The following SPAG16 variants were observed in gnomAD, a reference collection of about 807,000 sequenced individuals.
SPAG16 encodes sperm associated antigen 16.
In SPAG16, 86 loss-of-function variants were observed where a neutral mutation model predicts 80.4. That is an observed-to-expected ratio of 1.07 (90% CI 0.90 to 1.28). The LOEUF (loss-of-function observed/expected upper bound fraction) is 1.28. Among genes scored for constraint, SPAG16 ranks in the 50% most tolerant of loss-of-function variants. SPAG16 has a pLI of 0.00. For missense variants in SPAG16, 870 were observed against 765.3 expected (o/e 1.14, Z -1.61); for synonymous variants, 294 against 265.9 (o/e 1.11, Z -1.03).
chr2:213,566,138 G>A (rs974789056), intron 10 of SPAG16, among the ~76,000 whole-genome samples: 4 of 152,062 alleles, frequency 2.6e-5, no homozygotes, highest in African/African-American at 9.7e-5. Flanking sequence ...CAAAGTCAAT[G>A]GGTTGCTGGA....
chr2:213,854,286 C>T (rs2075052120), intron 10 of SPAG16, among the ~76,000 whole-genome samples: 1 of 152,054 alleles, frequency 6.6e-6, no homozygotes, highest in African/African-American at 2.4e-5. Flanking sequence ...TAGATGTTAA[C>T]TATATGAAGG....
intron 5 of SPAG16, among the ~76,000 whole-genome samples, chr2:213,325,800 T>A (rs72937048): frequency 0.22 from 32,939 of 151,912 alleles, 4,410 homozygotes; most frequent in Non-Finnish European, 0.31. Flanking sequence ...TATCTAATGT[T>A]TATATTTTGT....
At chr2:214,024,194 T>C (rs969968752) in intron 13 of SPAG16, among the ~76,000 whole-genome samples, 7 of 151,588 alleles carry the variant, frequency 4.6e-5, no homozygotes, top group African/African-American at 1.7e-4. Context: ...AATTCTAGGA[T>C]TGGAAGGAAC....
At chr2:214,126,161 T>G (rs925972272) in intron 14 of SPAG16, among the ~76,000 whole-genome samples, 2 of 146,786 alleles carry the variant, frequency 1.4e-5, no homozygotes, top group African/African-American at 5.0e-5. Flanking sequence ...ATAGAAGAGA[T>G]GGAGTGAGCT....
intron 10 of SPAG16, among the ~76,000 whole-genome samples, chr2:213,717,884 C>G (rs1056460099): frequency 1.8e-4 from 28 of 151,938 alleles, no homozygotes; most frequent in Non-Finnish European, 8.8e-5. Context: ...AGACCCAAAA[C>G]CATAAAAACC....
At chr2:213,719,312 C>G (rs537855880) in intron 10 of SPAG16, among the ~76,000 whole-genome samples, 1 of 151,488 alleles carries the variant, frequency 6.6e-6, no homozygotes, top group South Asian at 2.1e-4. Flanking sequence ...GTATCTAGCT[C>G]AAGGTTTGTA....
intron 9 of SPAG16, among the ~76,000 whole-genome samples, chr2:213,433,705 A>G (rs1429504838): frequency 6.6e-6 from 1 of 152,138 alleles, no homozygotes; most frequent in Non-Finnish European, 1.5e-5. Flanking sequence ...TACAATTCCT[A>G]TCAAAATACC....
At chr2:214,068,504 A>G (rs1211298642) in intron 13 of SPAG16, among the ~76,000 whole-genome samples, 2 of 152,156 alleles carry the variant, frequency 1.3e-5, no homozygotes, top group African/African-American at 4.8e-5. Context: ...TTTTCTAATA[A>G]GACTCACTGT....
At chr2:214,348,330 G>T (rs1329647268) in intron 15 of SPAG16, among the ~76,000 whole-genome samples, 1 of 152,220 alleles carries the variant, frequency 6.6e-6, no homozygotes, top group Non-Finnish European at 1.5e-5. Flanking sequence ...AAATGAAAAT[G>T]ATTTGCGACC....
chr2:213,798,876 T>C (rs1157449157), intron 10 of SPAG16, among the ~76,000 whole-genome samples: 3 of 152,182 alleles, frequency 2.0e-5, no homozygotes, highest in Non-Finnish European at 4.4e-5. Flanking sequence ...TGTTAAAAAA[T>C]CAATAGATCA....
chr2:213,506,932 G>A (rs1214890524), intron 10 of SPAG16, among the ~76,000 whole-genome samples: 1 of 152,194 alleles, frequency 6.6e-6, no homozygotes, highest in African/African-American at 2.4e-5. Flanking sequence ...GACATCATAT[G>A]CTTTCACAAT....
intron 13 of SPAG16, among the ~76,000 whole-genome samples, chr2:214,099,660 T>TCCAGA (rs2052856440): frequency 6.6e-6 from 1 of 152,132 alleles, no homozygotes; most frequent in Non-Finnish European, 1.5e-5. Flanking sequence ...ACATGATTTA[T>TCCAGA]GGTAGTTGCC....
chr2:213,735,500 C>T (rs60401743), intron 10 of SPAG16, among the ~76,000 whole-genome samples: 3,082 of 152,206 alleles, frequency 0.02, 118 homozygotes, highest in African/African-American at 0.07. Flanking sequence ...TTCCACCATG[C>T]GATTCATCAA....
rs563571259 is a variant in SPAG16 at position 213,530,556 on chromosome 2, C to T, written c.1070+40466C>T. On this transcript the variant is annotated intron_variant, in intron 10 of 15. Transcript: ENST00000331683. ...AATGAAAAATGATCCAAACCTCATT[C>T]TACCAACATCCTTCCCAGACAGAAG... Among the ~76,000 whole-genome samples, 20 of 152,288 alleles carry T rather than the reference C, an allele frequency of 1.3e-4. No individual in the cohort carries two copies. The South Asian group carries it at 3.5e-3, about 27-fold the overall frequency.
At chr2:213,944,799 G>C (rs2079367198) in intron 12 of SPAG16, among the ~76,000 whole-genome samples, 4 of 152,192 alleles carry the variant, frequency 2.6e-5, no homozygotes, top group Middle Eastern at 3.4e-3. Context: ...TTGGTCATGA[G>C]GATGGAGCCC....
intron 10 of SPAG16, among the ~76,000 whole-genome samples, chr2:213,836,277 C>G (rs1404247393): frequency 1.4e-5 from 2 of 146,762 alleles, no homozygotes; most frequent in Non-Finnish European, 3.0e-5. Context: ...AGAGGAATAT[C>G]CAGGAATATG....
At chr2:213,865,736 A>G (rs1416368728) in intron 11 of SPAG16, among the ~76,000 whole-genome samples, 1 of 147,580 alleles carries the variant, frequency 6.8e-6, no homozygotes, top group Non-Finnish European at 1.5e-5. Flanking sequence ...CATATAAATA[A>G]TATACATATA....
At chr2:213,827,218 GT>G (rs2073357722) in intron 10 of SPAG16, among the ~76,000 whole-genome samples, 1 of 151,688 alleles carries the variant, frequency 6.6e-6, no homozygotes, top group Non-Finnish European at 1.5e-5. Flanking sequence ...TGGCCATTTT[GT>G]TTTTTGTTGT....
intron 10 of SPAG16, among the ~76,000 whole-genome samples, chr2:213,778,142 C>G (rs2069718382): frequency 6.6e-6 from 1 of 151,644 alleles, no homozygotes; most frequent in South Asian, 2.1e-4. Flanking sequence ...TCTTAAATAT[C>G]CTGATACTAG....
Sources: allele counts gnomAD v4.1 joint callset (sites outside exome capture counted in the v4.1 genomes callset), GRCh38; gene constraint gnomAD v4.1.1; transcripts MANE v1.5; gene names NCBI Gene and HGNC (gene_info 2026-07-23, HGNC 2026-07-21).